Variants in NOTCH2 observed in about 807,000 individuals in gnomAD.
The protein encoded by NOTCH2 is neurogenic locus notch homolog protein 2.
A neutral mutation model predicts 235.8 loss-of-function variants in NOTCH2; 29 were observed. The observed-to-expected ratio is 0.12, with a 90% CI of 0.09 to 0.17. NOTCH2 has a LOEUF of 0.17. NOTCH2 is among the 10% of genes least tolerant of loss of function. The pLI is 1.00. For missense variants in NOTCH2, 2,285 were observed against 3,150.2 expected, an observed-to-expected ratio of 0.73 and a Z score of 6.57; for synonymous variants, 1,086 against 1,141.5, an observed-to-expected ratio of 0.95 and a Z score of 0.98.
At chr1:119,952,908 C>T (rs1650536540) in intron 14 of NOTCH2, among the ~76,000 whole-genome samples, 1 of 152,244 alleles carries the variant, frequency 6.6e-6, no homozygotes, top group East Asian at 1.9e-4. Context: ...TTTCATTCTA[C>T]TTCCATATAT....
At position 119,985,249 on chromosome 1, in the gene NOTCH2, C is replaced by CA. The variant is rs1183699012; in HGVS notation, c.874+1710dup. ...AGTGAAGAAAACCTGTGATGAATAA[C>CA]AAAAAAAAAACTGAAGGTCACTCTA... On this transcript the variant is annotated intron_variant, in intron 5 of 33. Transcript: ENST00000256646. 1.6e-3 allele frequency among the ~76,000 whole-genome samples: 229 copies of CA among 144,966 alleles called. 2 individuals carry two copies. The highest frequency in any genetic ancestry group is 3.8e-3 in the African/African-American group (151 of 39,758).
At chr1:120,030,185 T>C (rs1447291686) in intron 1 of NOTCH2, among the ~76,000 whole-genome samples, 198 bp from the exon 2 acceptor site, 13 of 152,192 alleles carry the variant, frequency 8.5e-5, no homozygotes, top group Non-Finnish European at 1.6e-4. Flanking sequence ...ATAACCACGT[T>C]TGTGGTCTTG....
At chr1:119,943,981 A>C (rs1650163302) in intron 17 of NOTCH2, among the ~76,000 whole-genome samples, 1 of 152,200 alleles carries the variant, frequency 6.6e-6, no homozygotes, top group African/African-American at 2.4e-5. Flanking sequence ...TAGAGGAAAC[A>C]ATTAGTAAAC....
At chr1:119,918,061 A>G (rs974052293) in intron 32 of NOTCH2, among the ~76,000 whole-genome samples, 3 of 152,144 alleles carry the variant, frequency 2.0e-5, no homozygotes, top group Non-Finnish European at 4.4e-5. Flanking sequence ...TATATATTAC[A>G]TGTCAGAATT....
At chr1:119,936,512 A>G (rs1449512397) in intron 21 of NOTCH2, among the ~76,000 whole-genome samples, 1 of 152,186 alleles carries the variant, frequency 6.6e-6, no homozygotes, top group Non-Finnish European at 1.5e-5. Flanking sequence ...TATGTTTAAA[A>G]CAACTAGATG....
At chr1:119,921,122 TA>T (rs1649272393) in intron 29 of NOTCH2, among the ~76,000 whole-genome samples, 1 of 152,226 alleles carries the variant, frequency 6.6e-6, no homozygotes, top group Non-Finnish European at 1.5e-5. Flanking sequence ...GTTCTGATAT[TA>T]ACTAAAGCAA....
chr1:119,971,234 C>T (rs782700013), intron 5 of NOTCH2, among the ~76,000 whole-genome samples: 3 of 152,198 alleles, frequency 2.0e-5, no homozygotes, highest in African/African-American at 4.8e-5. Flanking sequence ...GTATTCCCAG[C>T]AAGAGCCAAC....
At chr1:119,999,469 GC>G (rs1480117265) in intron 3 of NOTCH2, among the ~76,000 whole-genome samples, 1 of 146,158 alleles carries the variant, frequency 6.8e-6, no homozygotes, top group Admixed American at 6.8e-5. Flanking sequence ...TGAAGGAACT[GC>G]AATTCTTCTT....
rs1299998404 is a variant in NOTCH2 at position 119,929,001 on chromosome 1, C to G, written c.3867G>C (p.Leu1289=). The G allele has an allele frequency of 3.1e-6, 5 of 1,614,162 alleles. No homozygotes were observed. The East Asian group carries it at 1.1e-4, about 36-fold the overall frequency. ...CAGTAAAGGCACTACGGCAAACACA[C>G]AGGTAGTCATTGGTGAGCTGTATAC... ...LDCIQLTNDY[L]CVCRSAFTGR... Residue 1289 remains leucine, a synonymous_variant, in exon 23 of 34, where the codon CTG becomes CTC. Transcript: ENST00000256646.
intron 2 of NOTCH2, among the ~76,000 whole-genome samples, chr1:120,012,000 A>AGG (rs1553207010): frequency 1.4e-5 from 2 of 142,706 alleles, no homozygotes; most frequent in African/African-American, 5.4e-5. Flanking sequence ...TGGGCGACAG[A>AGG]GCGAGACTCC....
chr1:119,966,190 AG>A (rs1292936501), intron 9 of NOTCH2, among the ~76,000 whole-genome samples, 185 bp downstream of exon 9: 1 of 152,202 alleles, frequency 6.6e-6, no homozygotes, highest in Non-Finnish European at 1.5e-5. Context: ...TTGGCCACAA[AG>A]GACTTGTAAG....
intron 31 of NOTCH2, among the ~76,000 whole-genome samples, chr1:119,919,049 T>C (rs888815341): frequency 1.3e-5 from 2 of 152,182 alleles, no homozygotes; most frequent in African/African-American, 2.4e-5. Context: ...TTGGGAGGCA[T>C]CTTGGCACAA....
chr1:120,015,394 G>GA (rs1362610566), intron 2 of NOTCH2, among the ~76,000 whole-genome samples: 1 of 151,664 alleles, frequency 6.6e-6, no homozygotes, highest in Non-Finnish European at 1.5e-5. Flanking sequence ...AAGGGCAGGG[G>GA]AAAAAACTAA....
chr1:119,996,920 C>A (rs2725893), intron 4 of NOTCH2, 77 bp downstream of exon 4: 3 of 1,553,046 alleles, frequency 1.9e-6, no homozygotes, highest in South Asian at 1.1e-5. Context: ...TTCCTAAAAA[C>A]AGCAATTGAG....
chr1:119,967,004 A>G (rs1651164640), intron 8 of NOTCH2, among the ~76,000 whole-genome samples: 1 of 152,218 alleles, frequency 6.6e-6, no homozygotes. Context: ...TATGCAGAAG[A>G]GCTCCAGAAT....
intron 25 of NOTCH2, among the ~76,000 whole-genome samples, chr1:119,924,296 C>T (rs1182069010): frequency 1.3e-5 from 2 of 152,204 alleles, no homozygotes; most frequent in Admixed American, 6.5e-5. Flanking sequence ...AAAAGTCAAC[C>T]TGGTTCATGC....
chr1:120,015,009 TA>T (rs1181418610), intron 2 of NOTCH2, among the ~76,000 whole-genome samples: 327 of 109,012 alleles, frequency 3.0e-3, no homozygotes, highest in Non-Finnish European at 5.0e-3. Flanking sequence ...TTTTTTTTTT[TA>T]AAAACGAGGA....
At chr1:120,057,288 T>C (rs1358954809) in intron 1 of NOTCH2, among the ~76,000 whole-genome samples, 2 of 124,428 alleles carry the variant, frequency 1.6e-5, no homozygotes, top group Non-Finnish European at 3.0e-5. Context: ...CAAAATATAC[T>C]GCTACTATCT....
In NOTCH2 at chr1:119,974,792, T is replaced by C. The variant is rs782122210; in HGVS notation, c.875-5048A>G. Among the ~76,000 whole-genome samples the C allele has an allele frequency of 1.2e-3, 177 of 152,196 alleles. 4 individuals are homozygous for C. The highest frequency in any genetic ancestry group is 3.2e-4 in the Non-Finnish European group (22 of 68,036). ...TCATGATTCTCCACCATTGCATCAT[T>C]CCATTCAATCCATCCTGGAATGTAT... On this transcript the variant is annotated intron_variant, in intron 5 of 33. Coordinates refer to ENST00000256646, the MANE Select transcript of NOTCH2 (RefSeq NM_024408.4).
Sources: gnomAD v4.1 joint callset for allele counts (sites outside exome capture counted in the v4.1 genomes callset) on GRCh38, gnomAD v4.1.1 for gene constraint, MANE v1.5 for transcripts, NCBI Gene and HGNC (gene_info 2026-07-23, HGNC 2026-07-21) for gene names.